SCAPER: variants seen among roughly 807,000 people sequenced by gnomAD.
SCAPER encodes S-phase cyclin A associated protein in the ER, also known as S phase cyclin A-associated protein in the endoplasmic reticulum.
SCAPER carries 98 observed loss-of-function variants against 182.2 expected under a neutral mutation model. The observed-to-expected ratio is 0.54, with a 90% CI of 0.46 to 0.64. The LOEUF is 0.64. Among genes scored for constraint, SCAPER ranks in the 30% least tolerant of loss-of-function variants. The pLI is 0.00. For synonymous variants in SCAPER, 605 were observed against 564.6 expected (o/e 1.07, Z -1.01); for missense variants, 1,432 against 1,690.0 (o/e 0.85, Z 2.68).
intron 7 of SCAPER, chr15:76,797,581 A>AG (rs1323956764): frequency 5.9e-5 from 9 of 152,244 alleles, no homozygotes; most frequent in African/African-American, 2.2e-4. Flanking sequence ...GGAACTGACA[A>AG]GCAAAGGCAG....
intron 17 of SCAPER, among the ~76,000 whole-genome samples, chr15:76,723,577 T>C (rs900297640): frequency 2.0e-5 from 3 of 152,238 alleles, no homozygotes; most frequent in Non-Finnish European, 4.4e-5. Flanking sequence ...AGTCTCTTTG[T>C]AGGTCTCTAA....
chr15:76,676,780 T>C (rs1173549498), intron 20 of SCAPER, among the ~76,000 whole-genome samples: 2 of 151,512 alleles, frequency 1.3e-5, no homozygotes, highest in African/African-American at 2.4e-5. Flanking sequence ...AATGTGTGAG[T>C]TTTATATATT....
intron 31 of SCAPER, chr15:76,349,074 C>T (rs1241802991): frequency 6.1e-6 from 1 of 163,086 alleles, no homozygotes; most frequent in Non-Finnish European, 1.3e-5. Flanking sequence ...GTAGTCCCAG[C>T]TATTTGGAAG....
intron 27 of SCAPER, among the ~76,000 whole-genome samples, chr15:76,385,815 G>T (rs1320443165): frequency 4.6e-5 from 7 of 152,314 alleles, no homozygotes; most frequent in Admixed American, 6.5e-5. Context: ...CCAAGCCCCT[G>T]TTCTAGAGGC....
intron 5 of SCAPER, among the ~76,000 whole-genome samples, chr15:76,838,546 T>C (rs2069154905): frequency 6.6e-6 from 1 of 152,144 alleles, no homozygotes; most frequent in Non-Finnish European, 1.5e-5. Context: ...TGAGAACTCC[T>C]TTCAAGGCAT....
At chr15:76,611,577 A>C (rs1177342201) in intron 22 of SCAPER, among the ~76,000 whole-genome samples, 1 of 152,194 alleles carries the variant, frequency 6.6e-6, no homozygotes, top group Non-Finnish European at 1.5e-5. Flanking sequence ...AACAGATCCT[A>C]TAAGGCCAGT....
intron 23 of SCAPER, among the ~76,000 whole-genome samples, chr15:76,560,777 G>C (rs942735298): frequency 2.0e-5 from 3 of 152,144 alleles, no homozygotes; most frequent in African/African-American, 7.2e-5. Context: ...TGAATTCCCA[G>C]GGATGCAGTG....
At chr15:76,697,076 G>C (rs951974477) in intron 20 of SCAPER, among the ~76,000 whole-genome samples, 2 of 151,934 alleles carry the variant, frequency 1.3e-5, no homozygotes, top group African/African-American at 4.8e-5. Flanking sequence ...TTAGGTCAGA[G>C]GTAATATAAA....
intron 2 of SCAPER, among the ~76,000 whole-genome samples, chr15:76,873,340 AGGC>A: frequency 1.7e-5 from 1 of 58,666 alleles, no homozygotes; most frequent in Middle Eastern, 0.011. Flanking sequence ...GAAGGCAGGC[AGGC>A]AGGCAGGCAG....
intron 21 of SCAPER, among the ~76,000 whole-genome samples, chr15:76,648,225 T>A (rs2054717992): frequency 6.7e-6 from 1 of 148,648 alleles, no homozygotes; most frequent in Non-Finnish European, 1.5e-5. Context: ...AAACTGAAAC[T>A]ATAAAATCAA....
intron 29 of SCAPER, among the ~76,000 whole-genome samples, chr15:76,366,934 CCTGAGACT>C (rs1188609924): frequency 1.6e-4 from 24 of 152,222 alleles, no homozygotes; most frequent in South Asian, 4.2e-4. Context: ...GAGTGGCAGC[CCTGAGACT>C]CTGAGGTGGG....
At chr15:76,537,391 C>T (rs1294550040) in intron 23 of SCAPER, among the ~76,000 whole-genome samples, 2 of 152,152 alleles carry the variant, frequency 1.3e-5, no homozygotes, top group Non-Finnish European at 2.9e-5. Context: ...TGGAACAGAA[C>T]AGAGCCCTCA....
intron 26 of SCAPER, among the ~76,000 whole-genome samples, chr15:76,426,877 A>G (rs1181929825): frequency 6.6e-6 from 1 of 152,224 alleles, no homozygotes; most frequent in African/African-American, 2.4e-5. Flanking sequence ...AGATACATAG[A>G]CCAATGGAAC....
At chr15:76,814,111 T>G (rs1400096452) in intron 5 of SCAPER, among the ~76,000 whole-genome samples, 1 of 152,050 alleles carries the variant, frequency 6.6e-6, no homozygotes, top group Non-Finnish European at 1.5e-5. Flanking sequence ...GAGGCTGCTG[T>G]GAGCCGAGAT....
intron 4 of SCAPER, among the ~76,000 whole-genome samples, chr15:76,845,509 T>TGAAGTTGCA (rs1164789519): frequency 2.6e-5 from 4 of 151,958 alleles, no homozygotes; most frequent in Non-Finnish European, 4.4e-5. Flanking sequence ...ACAAATTCAG[T>TGAAGTTGCA]GAAGTTGCAG....
chr15:76,720,156 A>ATTATT (rs2060130262), intron 17 of SCAPER, among the ~76,000 whole-genome samples: 1 of 137,592 alleles, frequency 7.3e-6, no homozygotes, highest in Admixed American at 8.3e-5. Flanking sequence ...TTCAATTCCC[A>ATTATT]CCTATGAGTG....
chr15:76,652,369 C>CATATATATATATATAT (rs1431041058), intron 21 of SCAPER, among the ~76,000 whole-genome samples: 3 of 13,702 alleles, frequency 2.2e-4, no homozygotes, highest in African/African-American at 3.2e-4. Context: ...CACACACACA[C>CATATATATATATATAT]ACATATATAT....
chr15:76,652,271 AAAATATATATATATATATATAT>A (rs2055139599), intron 21 of SCAPER, among the ~76,000 whole-genome samples: 1 of 15,364 alleles, frequency 6.5e-5, no homozygotes, highest in Non-Finnish European at 1.2e-4. Context: ...AAAAAAAAAA[AAAATATATATATATATATATAT>A]ATATATATAT....
At chr15:76,471,463 A>C in intron 24 of SCAPER, 128 bp from the exon 25 acceptor site, 1 of 1,051,696 alleles carries the variant, frequency 9.5e-7, no homozygotes, top group Non-Finnish European at 1.3e-6. Context: ...AAACCAAGCC[A>C]AATACTATTA....
Sources: allele counts gnomAD v4.1 joint callset (sites outside exome capture counted in the v4.1 genomes callset), GRCh38; gene constraint gnomAD v4.1.1; transcripts MANE v1.5; gene names NCBI Gene and HGNC (gene_info 2026-07-23, HGNC 2026-07-21).